The following EYA1 variants were observed in gnomAD, a reference collection of about 807,000 sequenced individuals.
The protein encoded by EYA1 is protein phosphatase EYA1.
EYA1 carries 16 observed loss-of-function variants against 82.0 expected under a neutral mutation model. That is an observed-to-expected ratio of 0.20 (90% CI 0.13 to 0.30). EYA1 has a LOEUF of 0.30. Among genes scored for constraint, EYA1 ranks in the 10% least tolerant of loss-of-function variants. EYA1 has a pLI of 1.00. For synonymous variants in EYA1, 261 were observed against 264.4 expected, an observed-to-expected ratio of 0.99 and a Z score of 0.12; for missense variants, 633 against 730.7, an observed-to-expected ratio of 0.87 and a Z score of 1.54.
chr8:71,275,858 T>G (rs1158642613), intron 9 of EYA1, among the ~76,000 whole-genome samples: 1 of 152,340 alleles, frequency 6.6e-6, no homozygotes, highest in South Asian at 2.1e-4. Flanking sequence ...GTCTTCAATA[T>G]TATTTGACCC....
At chr8:71,247,617 A>T (rs1479410703) in intron 11 of EYA1, among the ~76,000 whole-genome samples, 3 of 152,190 alleles carry the variant, frequency 2.0e-5, no homozygotes, top group African/African-American at 7.2e-5. Flanking sequence ...TTTTAGGAGA[A>T]TTACAGTTTA....
chr8:71,287,447 C>A (rs1440794235), intron 9 of EYA1, among the ~76,000 whole-genome samples: 1 of 152,170 alleles, frequency 6.6e-6, no homozygotes, highest in East Asian at 1.9e-4. Flanking sequence ...TAATCGAGGT[C>A]TCTAGGTAAA....
chr8:71,350,518 A>G (rs1826197494), intron 3 of EYA1, among the ~76,000 whole-genome samples: 1 of 152,186 alleles, frequency 6.6e-6, no homozygotes, highest in Admixed American at 6.5e-5. Flanking sequence ...CACCTTGGAA[A>G]TCTGATATAC....
At chr8:71,358,914 A>C (rs1827137391) in intron 1 of EYA1, among the ~76,000 whole-genome samples, 1 of 152,172 alleles carries the variant, frequency 6.6e-6, no homozygotes, top group Non-Finnish European at 1.5e-5. Context: ...TGAGGCATTC[A>C]GTAAGTTCAC....
intron 2 of EYA1, among the ~76,000 whole-genome samples, chr8:71,402,721 T>A (rs1830021417): frequency 6.6e-6 from 1 of 152,138 alleles, no homozygotes; most frequent in Non-Finnish European, 1.5e-5. Flanking sequence ...TATAAGATTA[T>A]GCTAATTAAA....
chr8:71,361,619 A>G (rs987889389), intron 1 of EYA1, 28 bp downstream of exon 1: 3 of 975,262 alleles, frequency 3.1e-6, no homozygotes, highest in Middle Eastern at 1.0e-3. Flanking sequence ...AGTCACTACA[A>G]TTTTTCAAAC....
At chr8:71,248,270 G>A (rs2128911050) in intron 11 of EYA1, among the ~76,000 whole-genome samples, 1 of 152,312 alleles carries the variant, frequency 6.6e-6, no homozygotes, top group South Asian at 2.1e-4. Flanking sequence ...AGAACAGTCT[G>A]GCAGCTAACT....
rs889328104 is a variant in EYA1, at chr8:71,361,999, G to A, written c.-407C>T. 3 of 985,400 alleles carry A rather than the reference G, an allele frequency of 3.0e-6. No homozygotes were observed. Among genetic ancestry groups the A allele is most frequent in the African/African-American group, 3.5e-5 (2 of 57,330 alleles). The allele number at this position is 985,400 out of a possible 1,614,324, so 61.0% of individuals were successfully genotyped here. On this transcript the variant is annotated 5_prime_UTR_variant, in exon 1 of 18. The change creates a new upstream start codon in the 5' untranslated region. Transcript: ENST00000340726. ...AAACTCGGAGCCATCAGCTCCCACC[G>A]TTCTGTTTGGTAACAGCTTTGCGCC... is the stretch of plus-strand genomic sequence containing the variant.
At chr8:71,532,887 A>G (rs1260621146) in intron 2 of EYA1, among the ~76,000 whole-genome samples, 2 of 152,232 alleles carry the variant, frequency 1.3e-5, no homozygotes, top group African/African-American at 4.8e-5. Context: ...TATTTGGAAT[A>G]TACTTAATAT....
At chr8:71,233,336 G>T (rs183475759) in intron 12 of EYA1, among the ~76,000 whole-genome samples, 4 of 152,002 alleles carry the variant, frequency 2.6e-5, no homozygotes, top group Non-Finnish European at 4.4e-5. Context: ...AGGCCAAGGC[G>T]GGCAGATCAC....
rs1826722221 is a variant in EYA1 at position 71,355,045 on chromosome 8, T to C, written c.-4-136A>G. 8 of 880,580 alleles carry C rather than the reference T, an allele frequency of 9.1e-6. No individual in the cohort carries two copies. In the South Asian group the frequency reaches 1.1e-4, roughly 12 times the overall value. The allele number at this position is 880,580 out of a possible 1,614,324, so 54.5% of individuals were successfully genotyped here. ...TATCTATTTCTTAGACTCAAAATAATTCATCTCACATTTTGACTTCAGGTA... is the reference window on the plus strand; with the variant it reads ...TATCTATTTCTTAGACTCAAAATAACTCATCTCACATTTTGACTTCAGGTA... On this transcript the variant is annotated intron_variant, in intron 2 of 17. Transcript: ENST00000340726.
intron 11 of EYA1, among the ~76,000 whole-genome samples, chr8:71,253,756 A>T (rs1900078): frequency 0.18 from 27,856 of 152,104 alleles, 2,661 homozygotes; most frequent in Middle Eastern, 0.28. Context: ...TGAAAAGATA[A>T]CAAAGGAATG....
intron 4 of EYA1, among the ~76,000 whole-genome samples, chr8:71,333,071 A>G (rs1179410221): frequency 3.3e-5 from 5 of 152,136 alleles, no homozygotes; most frequent in Non-Finnish European, 1.5e-5. Flanking sequence ...TGGTCTGTTC[A>G]TTTGTTCATC....
At chr8:71,489,560 T>C (rs1810834532) in intron 2 of EYA1, among the ~76,000 whole-genome samples, 1 of 152,224 alleles carries the variant, frequency 6.6e-6, no homozygotes, top group African/African-American at 2.4e-5. Context: ...TCTAAGCAAC[T>C]TGGGCCTGGC....
intron 2 of EYA1, among the ~76,000 whole-genome samples, chr8:71,453,291 T>C (rs1396554583): frequency 1.3e-5 from 2 of 152,214 alleles, no homozygotes; most frequent in Non-Finnish European, 2.9e-5. Context: ...ACTCTACGTC[T>C]AATTGGTGAG....
At chr8:71,248,754 G>A (rs1440354347) in intron 11 of EYA1, among the ~76,000 whole-genome samples, 1 of 152,272 alleles carries the variant, frequency 6.6e-6, no homozygotes, top group East Asian at 1.9e-4. Flanking sequence ...TATTATAATA[G>A]CTAATACGTT....
At chr8:71,269,638 TTTTAAA>T in intron 11 of EYA1, 96 bp downstream of exon 11, 1 of 809,636 alleles carries the variant, frequency 1.2e-6, no homozygotes, top group East Asian at 2.7e-5. Flanking sequence ...TCCATTTATA[TTTTAAA>T]TTTGTTAAAG....
intron 11 of EYA1, among the ~76,000 whole-genome samples, chr8:71,267,644 G>A (rs2128943804): frequency 6.6e-6 from 1 of 152,268 alleles, no homozygotes. Flanking sequence ...CGCCTCCCAG[G>A]TTCACGCCGT....
chr8:71,532,112 C>T (rs965308145), intron 2 of EYA1, among the ~76,000 whole-genome samples: 18 of 152,168 alleles, frequency 1.2e-4, no homozygotes, highest in Non-Finnish European at 2.4e-4. Context: ...AGTGTTCATA[C>T]GATTAGCTAT....
Sources: gnomAD v4.1 joint callset for allele counts (sites outside exome capture counted in the v4.1 genomes callset) on GRCh38, gnomAD v4.1.1 for gene constraint, MANE v1.5 for transcripts, NCBI Gene and HGNC (gene_info 2026-07-23, HGNC 2026-07-21) for gene names.